The following ADGRL2 variants were observed in gnomAD, a reference collection of about 807,000 sequenced individuals.
ADGRL2 encodes the protein adhesion G protein-coupled receptor L2, also known as calcium-independent alpha-latrotoxin receptor 2.
ADGRL2 carries 44 observed loss-of-function variants against 157.4 expected under a neutral mutation model. That is an observed-to-expected ratio of 0.28 (90% CI 0.22 to 0.36). The LOEUF (loss-of-function observed/expected upper bound fraction) is 0.36. Among genes scored for constraint, ADGRL2 ranks in the 10% least tolerant of loss-of-function variants. The pLI, the probability that ADGRL2 is intolerant of heterozygous loss-of-function variation, is 1.00. For synonymous variants in ADGRL2, 585 were observed against 624.7 expected, an observed-to-expected ratio of 0.94 and a Z score of 0.95; for missense variants, 1,510 against 1,768.9, an observed-to-expected ratio of 0.85 and a Z score of 2.63.
intron 1 of ADGRL2, among the ~76,000 whole-genome samples, chr1:81,834,761 C>T (rs1392595947): frequency 6.6e-6 from 1 of 151,886 alleles, no homozygotes; most frequent in East Asian, 1.9e-4. Flanking sequence ...GTAAAAGAAG[C>T]CATGATTTTA....
rs557293599 is a variant in ADGRL2 at position 81,494,773 on chromosome 1, TA to T, written c.-248+49686del. Among the ~76,000 whole-genome samples the T allele has an allele frequency of 1.2e-4, 19 of 152,298 alleles. No individual in the cohort carries two copies. In the East Asian group the frequency reaches 3.7e-3, roughly 29 times the overall value. On this transcript the variant is annotated intron_variant, in intron 2 of 24. Coordinates refer to the ADGRL2 transcript ENST00000370721. ...TTCTTCATCTTGGAATCTTTTGTTT[TA>T]ATACATCAGTTCCCCTTTTTGGAAA...
chr1:81,783,836 A>G (rs1354319308), intron 2 of ADGRL2, among the ~76,000 whole-genome samples: 1 of 152,198 alleles, frequency 6.6e-6, no homozygotes, highest in Non-Finnish European at 1.5e-5. Context: ...GTTTCAGGCT[A>G]TTATACTGTT....
chr1:81,885,160 G>A (rs968499592), intron 2 of ADGRL2, among the ~76,000 whole-genome samples: 1 of 152,054 alleles, frequency 6.6e-6, no homozygotes, highest in African/African-American at 2.4e-5. Context: ...GGAAAGTGAA[G>A]GAAAACTGTT....
intron 2 of ADGRL2, among the ~76,000 whole-genome samples, chr1:81,549,578 AC>A (rs1037436708): frequency 4.6e-5 from 7 of 152,332 alleles, no homozygotes; most frequent in African/African-American, 1.4e-4. Context: ...TTAGATAAAT[AC>A]ATTTCAGAGA....
intron 1 of ADGRL2, among the ~76,000 whole-genome samples, chr1:81,357,837 C>T (rs1663427307): frequency 6.6e-6 from 1 of 152,088 alleles, no homozygotes; most frequent in South Asian, 2.1e-4. Flanking sequence ...AGCTGTTGTG[C>T]CTCTGAAGTT....
At chr1:81,559,399 G>A (rs2080388431) in intron 2 of ADGRL2, among the ~76,000 whole-genome samples, 1 of 151,116 alleles carries the variant, frequency 6.6e-6, no homozygotes. Flanking sequence ...GTTCAATAGG[G>A]CTCTAACACA....
chr1:81,896,403 G>A (rs2094389438), intron 2 of ADGRL2, among the ~76,000 whole-genome samples: 1 of 152,146 alleles, frequency 6.6e-6, no homozygotes, highest in African/African-American at 2.4e-5. Flanking sequence ...CTAGCAGGTC[G>A]TCAGTCATTT....
intron 13 of ADGRL2, 30 bp downstream of exon 13, chr1:81,966,639 G>A: frequency 6.3e-7 from 1 of 1,594,838 alleles, no homozygotes; most frequent in South Asian, 1.1e-5. Flanking sequence ...TGAAGTAATG[G>A]AAGGTTATAA....
chr1:81,443,017 A>G (rs1277568069), intron 1 of ADGRL2, among the ~76,000 whole-genome samples: 1 of 152,212 alleles, frequency 6.6e-6, no homozygotes, highest in East Asian at 1.9e-4. Flanking sequence ...CAAGTGTAAG[A>G]AATGCATATT....
chr1:81,503,149 C>T (rs1180743030), intron 2 of ADGRL2: 3 of 1,614,020 alleles, frequency 1.9e-6, no homozygotes, highest in African/African-American at 1.3e-5. Context: ...GGCCTTCCAG[C>T]GCAACTTTTT....
chr1:81,554,848 G>C (rs1001328639), intron 2 of ADGRL2, among the ~76,000 whole-genome samples: 4 of 152,086 alleles, frequency 2.6e-5, no homozygotes, highest in African/African-American at 9.7e-5. Flanking sequence ...ACAACAAAAA[G>C]AGAAAGACTA....
intron 1 of ADGRL2, chr1:81,427,160 G>A (rs572197486): frequency 1.8e-4 from 195 of 1,097,864 alleles, no homozygotes; most frequent in Middle Eastern, 3.9e-4. Flanking sequence ...TATGGGTTGC[G>A]GAGGAAACTT....
chr1:81,750,355 A>G (rs1209517367), intron 1 of ADGRL2, among the ~76,000 whole-genome samples: 1 of 152,222 alleles, frequency 6.6e-6, no homozygotes, highest in Non-Finnish European at 1.5e-5. Flanking sequence ...GGTTGATCAA[A>G]AAGTAAACAT....
At chr1:81,402,792 T>G (rs2076780064) in intron 1 of ADGRL2, among the ~76,000 whole-genome samples, 1 of 152,186 alleles carries the variant, frequency 6.6e-6, no homozygotes, top group African/African-American at 2.4e-5. Flanking sequence ...ATGCCATGCA[T>G]GTGCACCAGT....
At chr1:81,610,270 A>C (rs1375212300) in intron 3 of ADGRL2, among the ~76,000 whole-genome samples, 1 of 141,060 alleles carries the variant, frequency 7.1e-6, no homozygotes, top group Non-Finnish European at 1.5e-5. Context: ...GGAGAAGGAC[A>C]GTGGGACAGC....
intron 6 of ADGRL2, among the ~76,000 whole-genome samples, chr1:81,944,900 A>G (rs1649297230): frequency 6.6e-6 from 1 of 152,100 alleles, no homozygotes; most frequent in Admixed American, 6.6e-5. Context: ...CCTCAAAAGC[A>G]GAAGTCACAG....
At chr1:81,677,020 C>G (rs1415547546) in intron 3 of ADGRL2, among the ~76,000 whole-genome samples, 2 of 141,086 alleles carry the variant, frequency 1.4e-5, no homozygotes, top group Non-Finnish European at 3.1e-5. Context: ...GAGTTTCGCT[C>G]TTGTTGCCCA....
intron 1 of ADGRL2, among the ~76,000 whole-genome samples, chr1:81,413,964 G>A (rs915765138): frequency 7.9e-5 from 12 of 152,118 alleles, no homozygotes; most frequent in African/African-American, 2.9e-4. Flanking sequence ...TGTGAAAGTC[G>A]CCTAAAGACC....
At position 81,393,399 on chromosome 1, in the gene ADGRL2, G is replaced by A. The variant is rs149392153; in HGVS notation, c.-301-51637G>A. On this transcript the variant is annotated intron_variant, in intron 1 of 24. Transcript: ENST00000370721. The stretch of plus-strand genomic sequence containing the variant: ...ATTGTACATATGTAGAATGTCATGA[G>A]AGGCATTCAAGAACATTTATAAAGT... Among the ~76,000 whole-genome samples, 597 of 150,668 alleles carry A rather than the reference G, an allele frequency of 4.0e-3. 5 individuals carry two copies. The highest frequency in any genetic ancestry group is 0.013 in the African/African-American group (543 of 41,072).
Sources: gnomAD v4.1 joint callset for allele counts (sites outside exome capture counted in the v4.1 genomes callset) on GRCh38, gnomAD v4.1.1 for gene constraint, MANE v1.5 for transcripts, NCBI Gene and HGNC (gene_info 2026-07-23, HGNC 2026-07-21) for gene names.